Variants in NEDD9 observed in about 807,000 individuals in gnomAD.
NEDD9 encodes neural precursor cell expressed, developmentally down-regulated 9.
In NEDD9, 26 loss-of-function variants were observed where a neutral mutation model predicts 76.6. The ratio of observed to expected loss-of-function variants is 0.34; its 90% CI spans 0.25 to 0.47. The LOEUF (loss-of-function observed/expected upper bound fraction) is 0.47. Ranked by LOEUF, NEDD9 falls within the 20% of genes least tolerant of loss-of-function variation. The probability of loss-of-function intolerance (pLI) is 1.00; values close to 1 mark genes in which losing one functional copy is unlikely to be tolerated. For synonymous variants in NEDD9, 392 were observed against 414.2 expected, an observed-to-expected ratio of 0.95 and a Z score of 0.65; for missense variants, 937 against 1,058.5, an observed-to-expected ratio of 0.89 and a Z score of 1.59.
At chr6:11,303,365 GA>G (rs1761101774) in intron 3 of NEDD9, among the ~76,000 whole-genome samples, 1 of 152,162 alleles carries the variant, frequency 6.6e-6, no homozygotes, top group African/African-American at 2.4e-5. Context: ...TGAAATAAAA[GA>G]GGACACAAAC....
At chr6:11,297,155 AT>A (rs1561820520) in intron 3 of NEDD9, among the ~76,000 whole-genome samples, 1 of 112,920 alleles carries the variant, frequency 8.9e-6, no homozygotes, top group East Asian at 2.8e-4. Context: ...TTTGGTTTTC[AT>A]TTTTTTCTGA....
intron 3 of NEDD9, among the ~76,000 whole-genome samples, chr6:11,242,446 G>C (rs1389235114): frequency 3.9e-5 from 6 of 152,132 alleles, no homozygotes; most frequent in Non-Finnish European, 8.8e-5. Context: ...CTTAGGAGGG[G>C]TGGAGAGTAG....
chr6:11,268,653 A>G (rs1411328731), intron 3 of NEDD9, among the ~76,000 whole-genome samples: 2 of 151,874 alleles, frequency 1.3e-5, no homozygotes, highest in African/African-American at 4.8e-5. Context: ...ACTTGAACCC[A>G]GGAGGCGGAG....
intron 1 of NEDD9, among the ~76,000 whole-genome samples, chr6:11,372,041 C>T (rs114436271): frequency 0.067 from 10,128 of 152,126 alleles, 370 homozygotes; most frequent in Non-Finnish European, 0.067. Flanking sequence ...TTTTCGACTA[C>T]GGTCATCCTG....
At chr6:11,367,890 A>G (rs1762796979) in intron 1 of NEDD9, among the ~76,000 whole-genome samples, 2 of 152,146 alleles carry the variant, frequency 1.3e-5, no homozygotes, top group Admixed American at 1.3e-4. Context: ...AGTCCGGCAG[A>G]GCTATGGAAT....
chr6:11,343,517 A>G (rs1008684203), intron 1 of NEDD9, among the ~76,000 whole-genome samples: 1 of 152,048 alleles, frequency 6.6e-6, no homozygotes, highest in Admixed American at 6.5e-5. Flanking sequence ...TCCCTAGCAC[A>G]TATCTCTGTC....
intron 2 of NEDD9, among the ~76,000 whole-genome samples, chr6:11,325,121 C>T (rs746915395): frequency 1.8e-4 from 27 of 151,968 alleles, no homozygotes; most frequent in Non-Finnish European, 2.6e-4. Flanking sequence ...TTTGGGAGGC[C>T]GAGGTGGTGG....
chr6:11,189,929 T>C (rs1477580803), intron 5 of NEDD9, 35 bp downstream of exon 5: 5 of 1,501,492 alleles, frequency 3.3e-6, no homozygotes, highest in South Asian at 2.8e-5. Flanking sequence ...TGCATGTGAG[T>C]GAGTGTAGGT....
At chr6:11,210,995 C>G (rs1309234866) in intron 2 of NEDD9, among the ~76,000 whole-genome samples, 1 of 152,174 alleles carries the variant, frequency 6.6e-6, no homozygotes, top group Non-Finnish European at 1.5e-5. Flanking sequence ...TGTCACTACC[C>G]CAGACCCTGA....
chr6:11,257,360 G>A (rs1760023108), intron 3 of NEDD9, among the ~76,000 whole-genome samples: 1 of 152,176 alleles, frequency 6.6e-6, no homozygotes, highest in African/African-American at 2.4e-5. Flanking sequence ...GCCCCTAGTT[G>A]GGTGTCCCTG....
intron 2 of NEDD9, among the ~76,000 whole-genome samples, chr6:11,194,411 C>G (rs1441562760): frequency 6.6e-6 from 1 of 152,176 alleles, no homozygotes; most frequent in East Asian, 1.9e-4. Flanking sequence ...ATGAATAATG[C>G]AAATAGAGTT....
intron 1 of NEDD9, among the ~76,000 whole-genome samples, chr6:11,217,619 T>A (rs1348122603): frequency 6.6e-6 from 1 of 152,330 alleles, no homozygotes; most frequent in African/African-American, 2.4e-5. Context: ...CGTCCAACCC[T>A]TTCACTTTAC....
At chr6:11,263,640 C>G (rs979707328) in intron 3 of NEDD9, among the ~76,000 whole-genome samples, 2 of 152,140 alleles carry the variant, frequency 1.3e-5, no homozygotes, top group East Asian at 3.9e-4. Flanking sequence ...ACATTCCTGG[C>G]CTTTGACATC....
intron 3 of NEDD9, among the ~76,000 whole-genome samples, chr6:11,275,286 G>T (rs1403248611): frequency 6.6e-6 from 1 of 152,064 alleles, no homozygotes; most frequent in Admixed American, 6.5e-5. Flanking sequence ...GTTAGTAAAA[G>T]GATACAAAAT....
At chr6:11,232,930 G>A (rs980936071), upstream of NEDD9, among the ~76,000 whole-genome samples, 3 of 151,772 alleles carry the variant, frequency 2.0e-5, no homozygotes, top group Non-Finnish European at 4.4e-5. Flanking sequence ...AACAGGAAAA[G>A]GAGATACATT....
chr6:11,259,134 A>C (rs1760058868), intron 3 of NEDD9: 1 of 152,190 alleles, frequency 6.6e-6, no homozygotes, highest in African/African-American at 2.4e-5. Flanking sequence ...CTTGCAAAAC[A>C]AGACCTTCTG....
intron 2 of NEDD9, among the ~76,000 whole-genome samples, chr6:11,309,026 T>A (rs1446679258): frequency 2.0e-5 from 3 of 152,242 alleles, no homozygotes; most frequent in Non-Finnish European, 4.4e-5. Context: ...ACGGTGGGCC[T>A]GCCTACAGGT....
Position 11,200,414 on chromosome 6 carries a change from C to T in NEDD9, c.460-6722G>A, listed in dbSNP as rs1375264166. On this transcript the variant is annotated intron_variant, in intron 2 of 6. Transcript: ENST00000379446. ...CTTTATAGGCTTCACATTATTTCTA[C>T]AAATGTACTGAAAATACAATGTCCC... The T allele has an allele frequency of 4.1e-6, 3 of 734,858 alleles. No homozygotes were observed. In the South Asian group the frequency reaches 5.9e-5, roughly 14 times the overall value. The allele number at this position is 734,858 out of a possible 1,614,324, so 45.5% of individuals were successfully genotyped here. A position where few individuals can be genotyped will look rare whatever the true frequency, so the allele number is the denominator to read the frequency against.
chr6:11,339,333 G>A (rs1444809118), intron 1 of NEDD9, among the ~76,000 whole-genome samples: 1 of 152,048 alleles, frequency 6.6e-6, no homozygotes, highest in Admixed American at 6.5e-5. Context: ...TACATTCTCA[G>A]CTGACTTTCT....
Sources: allele counts gnomAD v4.1 joint callset (sites outside exome capture counted in the v4.1 genomes callset), GRCh38; gene constraint gnomAD v4.1.1; transcripts MANE v1.5; gene names NCBI Gene and HGNC (gene_info 2026-07-23, HGNC 2026-07-21).